Variants in ABCC1 observed in about 807,000 individuals in gnomAD.
ABCC1 encodes the protein multidrug resistance-associated protein 1.
In ABCC1, 83 loss-of-function variants were observed where a neutral mutation model predicts 172.9. The ratio of observed to expected loss-of-function variants is 0.48; its 90% confidence interval spans 0.40 to 0.58. The LOEUF is 0.58. Ranked by LOEUF, ABCC1 falls within the 20% of genes least tolerant of loss-of-function variation. The pLI is 0.00. For synonymous variants in ABCC1, 937 were observed against 825.2 expected (o/e 1.14, Z -2.32); for missense variants, 1,817 against 2,002.7 (o/e 0.91, Z 1.77).
chr16:16,053,914 CTACGTATGTA>C (rs1169132602), intron 11 of ABCC1, among the ~76,000 whole-genome samples: 1 of 149,092 alleles, frequency 6.7e-6, no homozygotes, highest in Admixed American at 6.8e-5. Context: ...CTACAACTTT[CTACGTATGTA>C]TATACAGACC....
At chr16:16,050,089 C>T (rs1331421511) in intron 10 of ABCC1, among the ~76,000 whole-genome samples, 1 of 152,182 alleles carries the variant, frequency 6.6e-6, no homozygotes, top group Non-Finnish European at 1.5e-5. Flanking sequence ...AGACATATAG[C>T]AGCTGACTTT....
intron 1 of ABCC1, among the ~76,000 whole-genome samples, chr16:15,997,587 C>T (rs1369571535): frequency 1.3e-5 from 2 of 151,998 alleles, no homozygotes; most frequent in African/African-American, 2.4e-5. Context: ...GAAGCAGCCT[C>T]GGGTAGCTGT....
In ABCC1 at chr16:16,059,818, AC is replaced by A. The variant is rs536664796; in HGVS notation, c.1677+3528del. Among the ~76,000 whole-genome samples the A allele has an allele frequency of 2.8e-3, 267 of 95,046 alleles. 1 individual carries two copies. The highest frequency in any genetic ancestry group is 9.6e-3 in the African/African-American group (247 of 25,862). 62.4% of individuals were successfully genotyped at this position (95,046 alleles called of 152,430 possible). A position where few individuals can be genotyped will look rare whatever the true frequency, so the allele number is the denominator to read the frequency against. ...GACCCTTTCCTGCTGCTGCCCCCCC[AC>A]CCCCTCCCAGCCCCCCACAAAAAAA... On this transcript the variant is annotated intron_variant, in intron 12 of 30. Coordinates refer to ENST00000399410, the MANE Select transcript of ABCC1 (RefSeq NM_004996.4).
chr16:16,066,719 C>T (rs1175878901), intron 12 of ABCC1, among the ~76,000 whole-genome samples: 25 of 150,708 alleles, frequency 1.7e-4, no homozygotes, highest in South Asian at 2.1e-4. Flanking sequence ...ACCAACATGG[C>T]GAAACCCCAT....
At chr16:16,079,064 A>G (rs2050701479) in intron 15 of ABCC1, among the ~76,000 whole-genome samples, 1 of 151,990 alleles carries the variant, frequency 6.6e-6, no homozygotes. Flanking sequence ...AGGGGCAAAA[A>G]CTGTTCCAGA....
chr16:15,982,134 A>T (rs1040010651), intron 1 of ABCC1, among the ~76,000 whole-genome samples: 1 of 152,132 alleles, frequency 6.6e-6, no homozygotes, highest in Non-Finnish European at 1.5e-5. Flanking sequence ...ACTTTCTTAC[A>T]TCTTGCTATA....
At chr16:16,070,838 C>A (rs1417672891) in intron 13 of ABCC1, among the ~76,000 whole-genome samples, 6 of 152,166 alleles carry the variant, frequency 3.9e-5, no homozygotes. Context: ...ATCTCAGACC[C>A]CTTACATTCT....
chr16:16,047,923 G>T (rs913618519), intron 9 of ABCC1, among the ~76,000 whole-genome samples: 1 of 151,622 alleles, frequency 6.6e-6, no homozygotes, highest in African/African-American at 2.4e-5. Flanking sequence ...CTTGCCAACT[G>T]ATGAGTTCAA....
chr16:15,956,476 C>T (rs538424837), intron 1 of ABCC1, among the ~76,000 whole-genome samples: 6 of 152,006 alleles, frequency 3.9e-5, no homozygotes, highest in African/African-American at 1.4e-4. Flanking sequence ...AGAACATAAG[C>T]AGTTGATAAC....
chr16:15,966,036 TGAGC>T (rs2046234716), intron 1 of ABCC1, among the ~76,000 whole-genome samples: 14 of 152,234 alleles, frequency 9.2e-5, no homozygotes, highest in Middle Eastern at 3.4e-3. Context: ...TTTCTAAAAG[TGAGC>T]TGGCCCAGCT....
At chr16:16,043,957 T>C (rs2049092371) in intron 7 of ABCC1, among the ~76,000 whole-genome samples, 1 of 152,198 alleles carries the variant, frequency 6.6e-6, no homozygotes, top group South Asian at 2.1e-4. Context: ...TCCAACTTGA[T>C]TCTTATTTTT....
chr16:16,064,502 A>G (rs2050039363), intron 12 of ABCC1, among the ~76,000 whole-genome samples: 1 of 152,186 alleles, frequency 6.6e-6, no homozygotes, highest in Admixed American at 6.5e-5. Flanking sequence ...CATGGACCTG[A>G]AAGGGGCCGC....
chr16:16,136,185 A>G (rs2045909998), intron 28 of ABCC1, among the ~76,000 whole-genome samples: 1 of 151,818 alleles, frequency 6.6e-6, no homozygotes, highest in Non-Finnish European at 1.5e-5. Context: ...CACCATGCCC[A>G]GCTAATTTTT....
intron 14 of ABCC1, among the ~76,000 whole-genome samples, chr16:16,074,808 T>C (rs2050490523): frequency 6.6e-6 from 1 of 152,244 alleles, no homozygotes; most frequent in Non-Finnish European, 1.5e-5. Flanking sequence ...CCTCTCTCTC[T>C]AGGTTTTTTG....
chr16:15,996,294 T>A (rs559506610), intron 1 of ABCC1, among the ~76,000 whole-genome samples: 299 of 152,288 alleles, frequency 2.0e-3, no homozygotes, highest in African/African-American at 7.0e-3. Flanking sequence ...GCTAAGTTTT[T>A]AAATTTTTTT....
intron 20 of ABCC1, among the ~76,000 whole-genome samples, chr16:16,106,272 C>G (rs1596510851): frequency 1.3e-5 from 2 of 152,182 alleles, no homozygotes; most frequent in African/African-American, 2.4e-5. Context: ...GAAAATCGAA[C>G]TAGCTGGGTA....
At chr16:16,118,335 A>G (rs924954042) in intron 23 of ABCC1, among the ~76,000 whole-genome samples, 1 of 151,574 alleles carries the variant, frequency 6.6e-6, no homozygotes, top group African/African-American at 2.4e-5. Context: ...ACTGTGGCCC[A>G]ATGATTGATG....
intron 5 of ABCC1, among the ~76,000 whole-genome samples, chr16:16,028,331 G>T (rs1329688070): frequency 6.6e-6 from 1 of 152,138 alleles, no homozygotes; most frequent in East Asian, 1.9e-4. Flanking sequence ...GCTGAATGGG[G>T]CAGGGGTCTC....
chr16:16,107,596 C>T (rs1358579834), intron 21 of ABCC1, among the ~76,000 whole-genome samples: 2 of 152,196 alleles, frequency 1.3e-5, no homozygotes, highest in Non-Finnish European at 2.9e-5. Context: ...GCCTGTTTTT[C>T]ATTTCTCATT....
Sources: allele counts gnomAD v4.1 joint callset (sites outside exome capture counted in the v4.1 genomes callset), GRCh38; gene constraint gnomAD v4.1.1; transcripts MANE v1.5; gene names NCBI Gene and HGNC (gene_info 2026-07-23, HGNC 2026-07-21).